The following CACNA2D1 variants were observed in gnomAD, a reference collection of about 807,000 sequenced individuals.
CACNA2D1 encodes the protein calcium voltage-gated channel auxiliary subunit alpha2delta 1.
Under a neutral mutation model 171.5 loss-of-function variants are expected in CACNA2D1, and 53 were observed. The observed-to-expected ratio is 0.31, with a 90% CI of 0.25 to 0.39. The LOEUF is 0.39. Among genes scored for constraint, CACNA2D1 ranks in the 10% least tolerant of loss-of-function variants. CACNA2D1 has a pLI of 1.00. For missense variants in CACNA2D1, 903 were observed against 1,299.8 expected (o/e 0.69, Z 4.69); for synonymous variants, 442 against 443.1 (o/e 1.00, Z 0.03).
intron 5 of CACNA2D1, among the ~76,000 whole-genome samples, chr7:82,128,737 A>G (rs897736678): frequency 1.3e-5 from 2 of 152,152 alleles, no homozygotes; most frequent in Non-Finnish European, 2.9e-5. Context: ...AACATGTACT[A>G]ATCTCATGAC....
chr7:82,069,162 T>C (rs1364106108), intron 7 of CACNA2D1, among the ~76,000 whole-genome samples: 1 of 152,188 alleles, frequency 6.6e-6, no homozygotes, highest in East Asian at 1.9e-4. Flanking sequence ...ATTTAAATAG[T>C]TCATTCCTTA....
At chr7:82,302,391 C>A (rs1325677398) in intron 3 of CACNA2D1, among the ~76,000 whole-genome samples, 1 of 151,188 alleles carries the variant, frequency 6.6e-6, no homozygotes, top group Non-Finnish European at 1.5e-5. Context: ...CACAAATCCT[C>A]ATCTCCATGA....
chr7:82,263,728 A>G (rs551285576), intron 3 of CACNA2D1, among the ~76,000 whole-genome samples: 28 of 152,290 alleles, frequency 1.8e-4, no homozygotes, highest in African/African-American at 6.5e-4. Context: ...ATTATCCATC[A>G]TTATTGGCCA....
chr7:82,379,148 T>C (rs1823384818), intron 1 of CACNA2D1, among the ~76,000 whole-genome samples: 1 of 152,164 alleles, frequency 6.6e-6, no homozygotes, highest in South Asian at 2.1e-4. Context: ...GTGTGTGGCC[T>C]ATAGTAGTTC....
chr7:82,203,040 C>T (rs909969007), intron 3 of CACNA2D1, among the ~76,000 whole-genome samples: 23 of 152,118 alleles, frequency 1.5e-4, no homozygotes, highest in African/African-American at 5.6e-4. Context: ...CTGTGCAACC[C>T]GGTCCCCCCT....
At chr7:82,258,749 T>A (rs1806616220) in intron 3 of CACNA2D1, among the ~76,000 whole-genome samples, 1 of 151,780 alleles carries the variant, frequency 6.6e-6, no homozygotes, top group Non-Finnish European at 1.5e-5. Flanking sequence ...CATAAGCCAA[T>A]ACTTTTGAAA....
intron 3 of CACNA2D1, among the ~76,000 whole-genome samples, chr7:82,250,973 G>T (rs1019898160): frequency 2.0e-5 from 3 of 151,978 alleles, no homozygotes; most frequent in Admixed American, 6.5e-5. Context: ...AGAGTCTGTT[G>T]TACATATTTA....
rs869125211 is a variant in CACNA2D1, at chr7:82,111,444, A to ATT, written c.526+5598_526+5599dup. Among the ~76,000 whole-genome samples, 674 of 69,954 alleles carry ATT rather than the reference A, an allele frequency of 9.6e-3. 39 individuals carry two copies. Among genetic ancestry groups the ATT allele is most frequent in the Non-Finnish European group, 0.011 (430 of 38,398 alleles). 45.9% of individuals were successfully genotyped at this position (69,954 alleles called of 152,430 possible). A position where few individuals can be genotyped will look rare whatever the true frequency, so the allele number is the denominator to read the frequency against. On this transcript the variant is annotated intron_variant, in intron 6 of 38. Coordinates refer to ENST00000356860, the MANE Select transcript of CACNA2D1 (RefSeq NM_000722.4). ...TATATGTGTGTATATATATATATAT[A>ATT]TTTTTTTTTTTTTTTTTTTTTGAGA...
At chr7:82,328,118 C>T (rs1318114293) in intron 3 of CACNA2D1, among the ~76,000 whole-genome samples, 1 of 152,168 alleles carries the variant, frequency 6.6e-6, no homozygotes, top group African/African-American at 2.4e-5. Flanking sequence ...TCCCTTTTAA[C>T]ATCCACAGGC....
At chr7:82,080,189 A>G (rs1445865549) in intron 7 of CACNA2D1, among the ~76,000 whole-genome samples, 1 of 151,162 alleles carries the variant, frequency 6.6e-6, no homozygotes, top group East Asian at 2.0e-4. Context: ...ATAAAAATAA[A>G]TTGCTCACCT....
At chr7:82,423,869 CCA>C (rs1239123929) in intron 1 of CACNA2D1, among the ~76,000 whole-genome samples, 2 of 151,982 alleles carry the variant, frequency 1.3e-5, no homozygotes, top group African/African-American at 4.8e-5. Flanking sequence ...GTCTACCAGT[CCA>C]CAAGAAAAGT....
At chr7:82,012,320 AT>A in intron 14 of CACNA2D1, 77 bp from the exon 15 acceptor site, 2 of 789,452 alleles carry the variant, frequency 2.5e-6, no homozygotes, top group South Asian at 2.8e-5. Context: ...CAGAGAAAAA[AT>A]ATTCTAGAGT....
chr7:82,280,445 C>T (rs1394832333), intron 3 of CACNA2D1, among the ~76,000 whole-genome samples: 1 of 152,124 alleles, frequency 6.6e-6, no homozygotes, highest in African/African-American at 2.4e-5. Flanking sequence ...TCCCAAATGA[C>T]ACTTTGATGT....
At chr7:82,234,084 C>T (rs557101547) in intron 3 of CACNA2D1, among the ~76,000 whole-genome samples, 1 of 152,086 alleles carries the variant, frequency 6.6e-6, no homozygotes, top group African/African-American at 2.4e-5. Context: ...TTCTTTAATC[C>T]TTATGTAGAA....
At chr7:82,164,779 A>G (rs1795267722) in intron 4 of CACNA2D1, among the ~76,000 whole-genome samples, 1 of 151,970 alleles carries the variant, frequency 6.6e-6, no homozygotes, top group South Asian at 2.1e-4. Context: ...ATTATGCATT[A>G]AATGAAAATT....
chr7:82,015,882 T>G (rs1204671207), intron 12 of CACNA2D1, among the ~76,000 whole-genome samples: 1 of 152,182 alleles, frequency 6.6e-6, no homozygotes, highest in Admixed American at 6.6e-5. Context: ...CCCCAAAACG[T>G]ACATCAGGGA....
At chr7:82,212,464 CAAG>C (rs1471740392) in intron 3 of CACNA2D1, among the ~76,000 whole-genome samples, 5 of 152,170 alleles carry the variant, frequency 3.3e-5, no homozygotes, top group African/African-American at 1.2e-4. Flanking sequence ...CAATCATTGA[CAAG>C]AAGTATTTCA....
At chr7:82,027,641 T>C (rs964218871) in intron 12 of CACNA2D1, 4 of 151,808 alleles carry the variant, frequency 2.6e-5, no homozygotes, top group African/African-American at 9.7e-5. Context: ...GGTTCTTTGT[T>C]GCATTTTTTA....
intron 1 of CACNA2D1, among the ~76,000 whole-genome samples, chr7:82,387,045 G>A (rs3801679): frequency 0.012 from 1,758 of 148,258 alleles, 61 homozygotes; most frequent in East Asian, 0.07. Flanking sequence ...TGGTTAAAGA[G>A]TTGTTGACTG....
Sources: allele counts gnomAD v4.1 joint callset (sites outside exome capture counted in the v4.1 genomes callset), GRCh38; gene constraint gnomAD v4.1.1; transcripts MANE v1.5; gene names NCBI Gene and HGNC (gene_info 2026-07-23, HGNC 2026-07-21).